The following SYNE1 variants were observed in gnomAD, a reference collection of about 807,000 sequenced individuals.
SYNE1 encodes the protein spectrin repeat containing nuclear envelope protein 1.
SYNE1 carries 616 observed loss-of-function variants against 1,111.0 expected under a neutral mutation model. The observed-to-expected ratio is 0.55, with a 90% CI of 0.52 to 0.59. The LOEUF (loss-of-function observed/expected upper bound fraction) is 0.59, where lower values mean the gene tolerates loss of function less well. SYNE1 is among the 20% of genes least tolerant of loss of function. SYNE1 has a pLI of 0.00. For synonymous variants in SYNE1, 3,855 were observed against 3,825.8 expected, an observed-to-expected ratio of 1.01 and a Z score of -0.28; for missense variants, 10,006 against 10,417.0, an observed-to-expected ratio of 0.96 and a Z score of 1.72.
chr6:152,636,388 A>G (rs910299973), intron 2 of SYNE1, among the ~76,000 whole-genome samples: 7 of 152,020 alleles, frequency 4.6e-5, no homozygotes, highest in Non-Finnish European at 1.0e-4. Flanking sequence ...CAACTCAGAG[A>G]GGGGGATATT....
chr6:152,176,978 C>CAT (rs1004650423), intron 129 of SYNE1, among the ~76,000 whole-genome samples: 1 of 151,894 alleles, frequency 6.6e-6, no homozygotes, highest in Non-Finnish European at 1.5e-5. Flanking sequence ...TGCACACACA[C>CAT]ATATATATAT....
chr6:152,317,915 C>T (rs887934694), intron 86 of SYNE1, among the ~76,000 whole-genome samples, 166 bp downstream of exon 86: 1 of 152,192 alleles, frequency 6.6e-6, no homozygotes, highest in Non-Finnish European at 1.5e-5. Flanking sequence ...CTGGTTTATA[C>T]CTAAGTCTTA....
intron 122 of SYNE1, 34 bp from the exon 123 acceptor site, chr6:152,213,793 T>C (rs761042919): frequency 5.0e-6 from 8 of 1,613,648 alleles, no homozygotes; most frequent in Non-Finnish European, 5.9e-6. Flanking sequence ...CAATGGTTAT[T>C]TCACTGCTTA....
chr6:152,534,451 T>C (rs898633032), intron 4 of SYNE1, among the ~76,000 whole-genome samples: 9 of 152,136 alleles, frequency 5.9e-5, no homozygotes, highest in Admixed American at 6.5e-5. Flanking sequence ...ACAAATTAAA[T>C]TATTTTTTCC....
intron 74 of SYNE1, among the ~76,000 whole-genome samples, chr6:152,340,160 G>A (rs549949409): frequency 3.3e-5 from 5 of 152,326 alleles, no homozygotes; most frequent in East Asian, 1.9e-4. Flanking sequence ...TATCTCCCAG[G>A]CCCCTCTGAG....
intron 3 of SYNE1, among the ~76,000 whole-genome samples, chr6:152,615,324 T>A (rs2128845908): frequency 6.6e-6 from 1 of 152,292 alleles, no homozygotes; most frequent in South Asian, 2.1e-4. Flanking sequence ...TTATTAGCCG[T>A]CTTCCAAATA....
At chr6:152,326,197 A>G in intron 79 of SYNE1, 95 bp from the exon 80 acceptor site, 1 of 1,612,614 alleles carries the variant, frequency 6.2e-7, no homozygotes, top group Non-Finnish European at 8.5e-7. Context: ...ACTCAGGGAA[A>G]AATGAATTTA....
In SYNE1 at chr6:152,471,626, ACTCT is replaced by A; in HGVS notation, c.1599_1602del (p.Arg533SerfsTer14). 6.2e-7 allele frequency: 1 copy of A among 1,613,802 alleles called. No individual in the cohort carries two copies. On this transcript the variant is annotated frameshift_variant, in exon 16 of 146. Coordinates refer to ENST00000367255, the MANE Select transcript of SYNE1 (RefSeq NM_182961.4). LOFTEE classifies it high-confidence loss of function. ...TAGTTTTGTAGAAGCTGCTCCACTG[ACTCT>A]CTCCTCCCGTACTTAATGATCCAAG...
chr6:152,465,538 A>G, intron 17 of SYNE1, 78 bp from the exon 18 acceptor site: 1 of 1,312,624 alleles, frequency 7.6e-7, no homozygotes, highest in Admixed American at 2.0e-5. Flanking sequence ...GGTCTTATAC[A>G]TTGGTGTGCA....
chr6:152,606,048 A>G (rs1031902304), intron 3 of SYNE1, among the ~76,000 whole-genome samples: 18 of 152,294 alleles, frequency 1.2e-4, no homozygotes, highest in African/African-American at 4.1e-4. Flanking sequence ...TTAACATTAC[A>G]AATCTGTGGT....
intron 58 of SYNE1, chr6:152,376,108 A>T: frequency 2.6e-6 from 1 of 391,064 alleles, no homozygotes; most frequent in Non-Finnish European, 4.7e-6. Context: ...TTAGATTCTT[A>T]GAAGGAGCAC....
chr6:152,352,858 G>A (rs1419534445), intron 69 of SYNE1, among the ~76,000 whole-genome samples: 1 of 152,128 alleles, frequency 6.6e-6, no homozygotes, highest in East Asian at 1.9e-4. Flanking sequence ...TAAAAGTCTT[G>A]ATCAATATAT....
intron 109 of SYNE1, 96 bp from the exon 110 acceptor site, chr6:152,236,399 T>C: frequency 1.1e-6 from 1 of 905,248 alleles, no homozygotes; most frequent in Non-Finnish European, 1.7e-6. Flanking sequence ...TCCCATTACC[T>C]GTTATTCAAA....
intron 127 of SYNE1, among the ~76,000 whole-genome samples, chr6:152,194,519 C>A (rs1222619027): frequency 1.3e-5 from 2 of 152,140 alleles, no homozygotes; most frequent in Non-Finnish European, 2.9e-5. Flanking sequence ...TGTTCTATAA[C>A]CTTCTTGTAC....
intron 99 of SYNE1, among the ~76,000 whole-genome samples, chr6:152,268,548 A>T (rs535021339): frequency 6.6e-6 from 1 of 152,172 alleles, no homozygotes; most frequent in South Asian, 2.1e-4. Flanking sequence ...CACTTAATTG[A>T]TAAATTAGGT....
At position 152,430,189 on chromosome 6, in the gene SYNE1, A is replaced by G. The variant is rs2098415738; in HGVS notation, c.4711T>C (p.Phe1571Leu). Residue 1571 changes from phenylalanine to leucine, a missense_variant, in exon 36 of 146, where the codon TTT (phenylalanine) becomes CTT (leucine). By Grantham distance (22) the Phe-to-Leu change is conservative (BLOSUM62 0). Coordinates refer to ENST00000367255, the MANE Select transcript of SYNE1 (RefSeq NM_182961.4). The part of the protein sequence containing the change: ...LRKIQQSVSE[F>L]EDKLAVPIKI... Reference sequence around the variant, plus strand: ...ATTGGAACAGCAAGTTTATCTTCAAATTCAGACACAGATTGCTGGATCTAA... The same window carrying G: ...ATTGGAACAGCAAGTTTATCTTCAAGTTCAGACACAGATTGCTGGATCTAA... 1 of 1,603,994 alleles carries G rather than the reference A, an allele frequency of 6.2e-7. No individual in the cohort carries two copies. Among genetic ancestry groups the G allele is most frequent in the South Asian group, 1.1e-5 (1 of 89,948 alleles).
chr6:152,408,436 T>C (rs551783336), intron 44 of SYNE1, among the ~76,000 whole-genome samples: 4 of 152,340 alleles, frequency 2.6e-5, no homozygotes, highest in African/African-American at 9.6e-5. Context: ...TGGTGTAATA[T>C]TCTATAGAAT....
In SYNE1 at chr6:152,183,528, G is replaced by A. The variant is rs146057860; in HGVS notation, c.23302-3234C>T. On this transcript the variant is annotated intron_variant, in intron 128 of 145. Transcript: ENST00000367255. ...AGGCAGGAGAATCGCTTGAGCCCGG[G>A]AGGCGGAAGATGCAGTGAGCCAAGA... Among the ~76,000 whole-genome samples, 428 of 152,234 alleles carry A rather than the reference G, an allele frequency of 2.8e-3. 6 individuals are homozygous for A. The highest frequency in any genetic ancestry group is 0.027 in the Middle Eastern group (8 of 294).
intron 130 of SYNE1, among the ~76,000 whole-genome samples, chr6:152,173,462 G>A (rs913649045): frequency 6.6e-6 from 1 of 152,218 alleles, no homozygotes; most frequent in African/African-American, 2.4e-5. Flanking sequence ...GTGCATCAGC[G>A]CTGGAAGAGG....
Sources: gnomAD v4.1 joint callset for allele counts (sites outside exome capture counted in the v4.1 genomes callset) on GRCh38, gnomAD v4.1.1 for gene constraint, MANE v1.5 for transcripts, NCBI Gene and HGNC (gene_info 2026-07-23, HGNC 2026-07-21) for gene names.